Variants in GLI3 observed in about 807,000 individuals in gnomAD.
GLI3 encodes the protein GLI family zinc finger 3.
GLI3 carries 20 observed loss-of-function variants against 100.8 expected under a neutral mutation model. The ratio of observed to expected loss-of-function variants is 0.20; its 90% CI spans 0.14 to 0.29. The LOEUF is 0.29. Ranked by LOEUF, GLI3 falls within the 10% of genes least tolerant of loss-of-function variation. The pLI, the probability that GLI3 is intolerant of heterozygous loss-of-function variation, is 1.00. For missense variants in GLI3, 2,040 were observed against 2,128.5 expected (o/e 0.96, Z 0.82); for synonymous variants, 938 against 860.5 (o/e 1.09, Z -1.58).
intron 3 of GLI3, among the ~76,000 whole-genome samples, chr7:42,094,076 A>G (rs57178739): frequency 6.6e-6 from 1 of 152,130 alleles, no homozygotes; most frequent in Admixed American, 6.5e-5. Flanking sequence ...CTTGGGGTTT[A>G]AAGGAAGTTT....
At position 41,966,936 on chromosome 7, in the gene GLI3, A is replaced by G. The variant is rs979967139; in HGVS notation, c.2432-295T>C. 2.0e-5 allele frequency among the ~76,000 whole-genome samples: 3 copies of G among 152,164 alleles called. No homozygotes were observed. The highest frequency in any genetic ancestry group is 2.9e-5 in the Non-Finnish European group (2 of 68,030). On this transcript the variant is annotated intron_variant, in intron 14 of 14. Transcript: ENST00000395925. The surrounding 1 kb of genome is among the most constrained non-coding windows in gnomAD (Gnocchi z 5.8). ...GCTGATGCCTGGCTTAAACAAAACAATAACAACTCCCTCGATTCACTGAAG... is the reference window on the plus strand; with the variant it reads ...GCTGATGCCTGGCTTAAACAAAACAGTAACAACTCCCTCGATTCACTGAAG...
intron 11 of GLI3, 58 bp from the exon 12 acceptor site, chr7:41,977,780 T>G: frequency 7.0e-7 from 1 of 1,438,580 alleles, no homozygotes; most frequent in Non-Finnish European, 9.8e-7. Context: ...AGCTTATGCC[T>G]AACACGCCCT....
At chr7:42,082,150 G>A (rs1015204364) in intron 3 of GLI3, among the ~76,000 whole-genome samples, 6 of 151,752 alleles carry the variant, frequency 4.0e-5, no homozygotes, top group Non-Finnish European at 8.8e-5. Flanking sequence ...AGCAGGAGAG[G>A]GAGAGAAGAG....
rs748236819 is a variant in GLI3, at chr7:41,965,625, A to C, written c.3448T>G (p.Cys1150Gly). Residue 1150 changes from cysteine (C) to glycine (G), a missense_variant, in exon 15 of 15, where the codon TGC becomes GGC. Coordinates refer to ENST00000395925, the MANE Select transcript of GLI3 (RefSeq NM_000168.6). Reference protein sequence around the residue: ...GQQFHALEQPCPEGSKTDLPI... With the variant: ...GQQFHALEQPGPEGSKTDLPI... The stretch of plus-strand genomic sequence containing the variant: ...AGGTCGGTTTTGCTGCCCTCGGGGC[A>C]GGGCTGCTCGAGGGCATGGAACTGC... The C allele has an allele frequency of 1.9e-6, 3 of 1,610,864 alleles. No homozygotes were observed. In the East Asian group the frequency reaches 6.7e-5, roughly 36 times the overall value.
chr7:42,190,970 T>A (rs990639341), intron 2 of GLI3, among the ~76,000 whole-genome samples: 7 of 152,048 alleles, frequency 4.6e-5, no homozygotes, highest in South Asian at 4.1e-4. Context: ...ATACTTTTTT[T>A]AAAAAAAAGA....
chr7:42,065,460 G>C (rs1015791895), intron 4 of GLI3, among the ~76,000 whole-genome samples: 1 of 151,640 alleles, frequency 6.6e-6, no homozygotes, highest in South Asian at 2.1e-4. Context: ...CTACATTGAG[G>C]GTATAATGCA....
intron 3 of GLI3, among the ~76,000 whole-genome samples, chr7:42,123,721 A>G (rs747773613): frequency 6.6e-6 from 1 of 152,208 alleles, no homozygotes; most frequent in African/African-American, 2.4e-5. Context: ...ATGTGCCACA[A>G]CTAGCTGTGC....
intron 6 of GLI3, among the ~76,000 whole-genome samples, chr7:42,043,842 G>A (rs985766246): frequency 6.6e-6 from 1 of 152,114 alleles, no homozygotes; most frequent in Non-Finnish European, 1.5e-5. Flanking sequence ...TTCTTTATTT[G>A]CAGATTTTAA....
chr7:42,051,910 G>A (rs751958827), intron 4 of GLI3, among the ~76,000 whole-genome samples: 1 of 152,094 alleles, frequency 6.6e-6, no homozygotes, highest in Non-Finnish European at 1.5e-5. Flanking sequence ...CTACGGGTTT[G>A]GGCAAATGTA....
upstream of GLI3, among the ~76,000 whole-genome samples, chr7:42,264,124 C>T (rs117924030): frequency 1.2e-3 from 186 of 152,258 alleles, 1 homozygote; most frequent in Non-Finnish European, 2.2e-3. Context: ...TCCAAAAGCA[C>T]GAAGGGCCTT....
chr7:42,140,113 A>T lies in GLI3; in HGVS notation c.367+8113T>A, dbSNP rs145200701. ...CCTTGACAAATGCTCCTTTTTGCCT[A>T]GATTACTCTTTCCTCACCTCTTTCA... is the stretch of plus-strand genomic sequence containing the variant. On this transcript the variant is annotated intron_variant, in intron 3 of 14. Coordinates refer to ENST00000395925, the MANE Select transcript of GLI3 (RefSeq NM_000168.6). Among the ~76,000 whole-genome samples, 397 of 152,240 alleles carry T rather than the reference A, an allele frequency of 2.6e-3. 3 individuals are homozygous for T. Among genetic ancestry groups the T allele is most frequent in the African/African-American group, 8.8e-3 (365 of 41,550 alleles).
At chr7:42,214,515 G>A (rs1788334725) in intron 2 of GLI3, among the ~76,000 whole-genome samples, 1 of 120,354 alleles carries the variant, frequency 8.3e-6, no homozygotes. Flanking sequence ...TCGAAGAAAG[G>A]GAAAAAAGAG....
At chr7:42,257,463 G>A (rs1289661124) in intron 1 of GLI3, among the ~76,000 whole-genome samples, 2 of 150,610 alleles carry the variant, frequency 1.3e-5, no homozygotes, top group African/African-American at 4.9e-5. Context: ...TCCTGCCTCA[G>A]CCTCCCGAGT....
chr7:42,221,826 C>T (rs1788492416), intron 2 of GLI3, among the ~76,000 whole-genome samples: 1 of 152,148 alleles, frequency 6.6e-6, no homozygotes, highest in African/African-American at 2.4e-5. Flanking sequence ...AATATTCTGG[C>T]TCAATTAAAA....
At chr7:42,224,892 T>C (rs1788554800) in intron 1 of GLI3, among the ~76,000 whole-genome samples, 1 of 152,154 alleles carries the variant, frequency 6.6e-6, no homozygotes. Flanking sequence ...AGATCTGACC[T>C]TTACTTTGGG....
intron 3 of GLI3, among the ~76,000 whole-genome samples, chr7:42,094,676 G>C (rs1454520145): frequency 6.6e-6 from 1 of 151,990 alleles, no homozygotes; most frequent in Non-Finnish European, 1.5e-5. Flanking sequence ...AGAGGTTGCA[G>C]TGAGCCAAGA....
At chr7:41,974,516 A>C (rs1320116724) in intron 12 of GLI3, among the ~76,000 whole-genome samples, 2 of 152,260 alleles carry the variant, frequency 1.3e-5, no homozygotes, top group African/African-American at 4.8e-5. Context: ...GCAAGCACAA[A>C]GTTGCATACA....
chr7:42,153,689 T>C (rs1255162797), intron 2 of GLI3, among the ~76,000 whole-genome samples: 2 of 152,198 alleles, frequency 1.3e-5, no homozygotes. Flanking sequence ...TGTGAAACCT[T>C]GTAACTTCTA....
intron 3 of GLI3, among the ~76,000 whole-genome samples, chr7:42,126,693 A>G (rs1444445034): frequency 6.6e-6 from 1 of 152,206 alleles, no homozygotes; most frequent in African/African-American, 2.4e-5. Context: ...ACATAACCAC[A>G]CTATCTTATA....
Sources: gnomAD v4.1 joint callset for allele counts (sites outside exome capture counted in the v4.1 genomes callset) on GRCh38, gnomAD v4.1.1 for gene constraint, Gnocchi (gnomAD v3.1) non-coding constraint, MANE v1.5 for transcripts, NCBI Gene and HGNC (gene_info 2026-07-23, HGNC 2026-07-21) for gene names.